The following FRMPD4 variants were observed in gnomAD, a reference collection of about 807,000 sequenced individuals.
FRMPD4 encodes the protein FERM and PDZ domain containing 4.
In FRMPD4, 22 loss-of-function variants were observed where a neutral mutation model predicts 94.1. The observed-to-expected ratio is 0.23, with a 90% CI of 0.17 to 0.33. The LOEUF is 0.33. FRMPD4 is among the 10% of genes least tolerant of loss of function. The pLI is 1.00. For synonymous variants in FRMPD4, 631 were observed against 548.6 expected, an observed-to-expected ratio of 1.15 and a Z score of -2.10; for missense variants, 1,111 against 1,339.9, an observed-to-expected ratio of 0.83 and a Z score of 2.67.
At chrX:12,563,247 C>T (rs2058676438) in intron 2 of FRMPD4, among the ~76,000 whole-genome samples, 1 of 108,921 alleles carries the variant, frequency 9.2e-6, no homozygotes, top group African/African-American at 3.4e-5. Flanking sequence ...TGTACACACA[C>T]ACACACACAC....
chrX:12,115,867 A>G (rs1299994154), intron 3 of FRMPD4, among the ~76,000 whole-genome samples: 1 of 111,237 alleles, frequency 9.0e-6, no homozygotes, highest in Non-Finnish European at 1.9e-5. Flanking sequence ...AGTGGTTTGA[A>G]TCCTCACTCT....
In FRMPD4 at chrX:12,537,482, T is replaced by TC. The variant is rs778468956; in HGVS notation, c.158+38690dup. Among the ~76,000 whole-genome samples the TC allele has an allele frequency of 4.3e-4, 44 of 103,346 alleles. No individual in the cohort carries two copies. In the East Asian group the frequency reaches 7.6e-3, roughly 18 times the overall value. 89.7% of individuals were successfully genotyped at this position (103,346 alleles called of 115,157 possible). A position where few individuals can be genotyped will look rare whatever the true frequency, so the allele number is the denominator to read the frequency against. On this transcript the variant is annotated intron_variant, in intron 2 of 16. Transcript: ENST00000675598. ...TTTTTTTTTTTTTTGAGACAGAGTC[T>TC]CCCCTTGTTGCCCAGGCTACAGTGC...
chrX:12,099,627 A>G (rs1461194814), intron 3 of FRMPD4, among the ~76,000 whole-genome samples: 1 of 112,458 alleles, frequency 8.9e-6, no homozygotes, highest in Non-Finnish European at 1.9e-5. Flanking sequence ...TATAATGAGC[A>G]TGGGCCCTGG....
intron 10 of FRMPD4, among the ~76,000 whole-genome samples, chrX:12,702,854 C>T (rs1380412112): frequency 8.9e-6 from 1 of 112,230 alleles, no homozygotes; most frequent in Admixed American, 9.4e-5. Context: ...TCTCTCTCCC[C>T]ACACATAAGC....
chrX:11,881,493 T>A (rs762804495), intron 3 of FRMPD4, among the ~76,000 whole-genome samples: 1 of 112,492 alleles, frequency 8.9e-6, no homozygotes, highest in African/African-American at 3.2e-5. Flanking sequence ...TATTGATACA[T>A]ACAACAAATT....
At chrX:12,637,737 A>C (rs1279866153) in intron 4 of FRMPD4, among the ~76,000 whole-genome samples, 1 of 111,356 alleles carries the variant, frequency 9.0e-6, no homozygotes, top group African/African-American at 3.3e-5. Flanking sequence ...TACTAACTGG[A>C]TGATCAGATG....
In FRMPD4 at chrX:11,975,164, G is replaced by A. The variant is rs752614780; in HGVS notation, c.95+97146G>A. Among the ~76,000 whole-genome samples, 13 of 112,177 alleles carry A rather than the reference G, an allele frequency of 1.2e-4. No homozygotes were observed. In the South Asian group the frequency reaches 4.9e-3, roughly 42 times the overall value. ...CCTGAGCATAAATCATATCACAAAG[G>A]AGGGCAGAGACTTACAGAGAGCAAG... On this transcript the variant is annotated intron_variant, in intron 3 of 18. Coordinates refer to the FRMPD4 transcript ENST00000640291.
At chrX:12,674,487 CT>C (rs1569402918) in intron 4 of FRMPD4, among the ~76,000 whole-genome samples, 1 of 111,980 alleles carries the variant, frequency 8.9e-6, no homozygotes, top group African/African-American at 3.2e-5. Flanking sequence ...GAAAAATAGG[CT>C]AAAGGAAAAT....
chrX:12,669,086 A>C (rs902566920), intron 4 of FRMPD4, among the ~76,000 whole-genome samples: 22 of 111,605 alleles, frequency 2.0e-4, no homozygotes, highest in Non-Finnish European at 1.9e-5. Flanking sequence ...AATGTGGTAA[A>C]GGTGACGGGA....
intron 1 of FRMPD4, among the ~76,000 whole-genome samples, chrX:12,201,106 A>T (rs2056626930): frequency 8.9e-6 from 1 of 112,316 alleles, no homozygotes; most frequent in South Asian, 3.7e-4. Context: ...AGCCTAAACA[A>T]GGCATAGTTT....
At chrX:12,669,469 G>T (rs1478236377) in intron 4 of FRMPD4, among the ~76,000 whole-genome samples, 2 of 99,010 alleles carry the variant, frequency 2.0e-5, no homozygotes, top group Non-Finnish European at 4.3e-5. Context: ...TAATAAGTGG[G>T]TATTGTTTTA....
intron 1 of FRMPD4, among the ~76,000 whole-genome samples, chrX:12,265,354 T>G (rs1213430008): frequency 1.8e-5 from 2 of 112,279 alleles, no homozygotes; most frequent in Middle Eastern, 4.2e-3. Context: ...CTTCTAAAAC[T>G]GAAAAAGAAG....
intron 3 of FRMPD4, among the ~76,000 whole-genome samples, chrX:12,013,536 A>G (rs2054590965): frequency 8.9e-6 from 1 of 112,755 alleles, no homozygotes; most frequent in South Asian, 3.6e-4. Flanking sequence ...CTCAAGCTCC[A>G]GTAATGTCAT....
At chrX:11,962,303 G>A (rs1003211948) in intron 3 of FRMPD4, among the ~76,000 whole-genome samples, 3 of 111,716 alleles carry the variant, frequency 2.7e-5, no homozygotes, top group Admixed American at 9.5e-5. Flanking sequence ...CATGGTAGAA[G>A]GGGCAAATGT....
intron 1 of FRMPD4, among the ~76,000 whole-genome samples, chrX:12,327,653 A>G (rs958486613): frequency 1.8e-5 from 2 of 111,753 alleles, no homozygotes; most frequent in South Asian, 3.7e-4. Context: ...AGTTTATTCA[A>G]TTGACTCTAG....
At chrX:12,351,521 AAC>A (rs1368507421) in intron 1 of FRMPD4, among the ~76,000 whole-genome samples, 1 of 112,497 alleles carries the variant, frequency 8.9e-6, no homozygotes, top group Non-Finnish European at 1.9e-5. Context: ...ATTAAGGTGT[AAC>A]ACACAGAAAA....
At chrX:11,863,420 TACA>T (rs1833306783) in intron 1 of FRMPD4, among the ~76,000 whole-genome samples, 1 of 111,531 alleles carries the variant, frequency 9.0e-6, no homozygotes, top group African/African-American at 3.3e-5. Context: ...GCTATGTTTG[TACA>T]ACAAGTCTGC....
intron 2 of FRMPD4, among the ~76,000 whole-genome samples, chrX:12,560,264 G>T (rs2058638887): frequency 9.1e-6 from 1 of 109,879 alleles, no homozygotes; most frequent in South Asian, 4.0e-4. Flanking sequence ...CAAACTACAT[G>T]AAACAGAGTT....
intron 1 of FRMPD4, among the ~76,000 whole-genome samples, chrX:12,375,324 G>T (rs2056221760): frequency 8.9e-6 from 1 of 112,536 alleles, no homozygotes; most frequent in Admixed American, 9.4e-5. Flanking sequence ...GACAGGGCTG[G>T]ATTCTCTAAG....
Sources: allele counts gnomAD v4.1 joint callset (sites outside exome capture counted in the v4.1 genomes callset), GRCh38; gene constraint gnomAD v4.1.1; transcripts MANE v1.5; gene names NCBI Gene and HGNC (gene_info 2026-07-23, HGNC 2026-07-21).